Variants in ALK observed in about 807,000 individuals in gnomAD.
The protein encoded by ALK is ALK receptor tyrosine kinase.
In ALK, 74 loss-of-function variants were observed where a neutral mutation model predicts 163.1. The observed-to-expected ratio is 0.45, with a 90% CI of 0.38 to 0.55. The LOEUF (loss-of-function observed/expected upper bound fraction) is 0.55, where lower values mean the gene tolerates loss of function less well. Among genes scored for constraint, ALK ranks in the 20% least tolerant of loss-of-function variants. ALK has a pLI of 0.00. For synonymous variants in ALK, 960 were observed against 843.2 expected, an observed-to-expected ratio of 1.14 and a Z score of -2.40; for missense variants, 2,063 against 2,105.3, an observed-to-expected ratio of 0.98 and a Z score of 0.39.
chr2:29,326,896 A>T (rs1202644899), intron 6 of ALK, among the ~76,000 whole-genome samples: 1 of 152,122 alleles, frequency 6.6e-6, no homozygotes, highest in African/African-American at 2.4e-5. Context: ...CTGGGAGGTG[A>T]GGCATTTGCT....
rs78298099 is a variant in ALK at position 29,900,983 on chromosome 2, G to T, written c.667+19010C>A. 3.2e-3 allele frequency among the ~76,000 whole-genome samples: 447 copies of T among 141,314 alleles called. 1 individual carries two copies. Among genetic ancestry groups the T allele is most frequent in the African/African-American group, 0.011 (425 of 38,500 alleles). The allele number at this position is 141,314 out of a possible 152,430, so 92.7% of individuals were successfully genotyped here. On this transcript the variant is annotated intron_variant, in intron 1 of 28. Transcript: ENST00000389048. ...GAATGTCTTAAGAAAGAAAGAAAGA[G>T]AGAGAGAGAGAGAGCAAGCAAGCAA...
At chr2:29,647,695 CA>C (rs1434174896) in intron 3 of ALK, among the ~76,000 whole-genome samples, 2 of 151,588 alleles carry the variant, frequency 1.3e-5, no homozygotes, top group African/African-American at 4.8e-5. Flanking sequence ...CCTTTTCACA[CA>C]AACCGTCAAG....
At chr2:29,225,129 G>A (rs1434803461) in intron 19 of ALK, among the ~76,000 whole-genome samples, 1 of 152,180 alleles carries the variant, frequency 6.6e-6, no homozygotes, top group Non-Finnish European at 1.5e-5. Flanking sequence ...GTGGAAGCAT[G>A]TGGGAGCTAG....
intron 4 of ALK, among the ~76,000 whole-genome samples, chr2:29,509,021 T>C (rs560971868): frequency 1.3e-5 from 2 of 152,304 alleles, no homozygotes; most frequent in East Asian, 3.9e-4. Flanking sequence ...GTGAGTAGCG[T>C]GTGCAGGTAT....
chr2:29,504,395 C>A (rs1269292023), intron 4 of ALK, among the ~76,000 whole-genome samples: 3 of 152,140 alleles, frequency 2.0e-5, no homozygotes, highest in Non-Finnish European at 4.4e-5. Context: ...ACTTGATCTA[C>A]ATTTTTGATG....
chr2:29,457,650 G>T (rs1165372031), intron 4 of ALK, among the ~76,000 whole-genome samples: 1 of 152,042 alleles, frequency 6.6e-6, no homozygotes, highest in Non-Finnish European at 1.5e-5. Context: ...GGGAGCTTGG[G>T]TTCAGATCAC....
At chr2:29,391,384 G>A (rs1161665132) in intron 4 of ALK, among the ~76,000 whole-genome samples, 2 of 151,028 alleles carry the variant, frequency 1.3e-5, no homozygotes, top group Non-Finnish European at 2.9e-5. Flanking sequence ...TCACTGCAAC[G>A]TCCGCCTCCT....
intron 3 of ALK, among the ~76,000 whole-genome samples, chr2:29,672,806 G>C (rs1677747286): frequency 1.4e-5 from 2 of 146,864 alleles, no homozygotes; most frequent in Admixed American, 1.3e-4. Context: ...GTGTAAAAGT[G>C]TTCCTATTTC....
At chr2:29,693,722 T>C (rs531282337) in intron 3 of ALK, among the ~76,000 whole-genome samples, 1 of 152,146 alleles carries the variant, frequency 6.6e-6, no homozygotes, top group Admixed American at 6.5e-5. Flanking sequence ...GATGAGATTC[T>C]CTCGAGAATC....
At chr2:29,898,940 C>G (rs772535088) in intron 1 of ALK, among the ~76,000 whole-genome samples, 3 of 152,162 alleles carry the variant, frequency 2.0e-5, no homozygotes, top group Non-Finnish European at 4.4e-5. Context: ...ACCTGGCAGG[C>G]ACTTCCTCCT....
chr2:29,794,586 C>T (rs545131027), intron 1 of ALK, among the ~76,000 whole-genome samples: 33 of 152,238 alleles, frequency 2.2e-4, no homozygotes, highest in African/African-American at 6.0e-4. Flanking sequence ...CTTCCCTTCA[C>T]GTGAACACTT....
At chr2:29,785,315 T>A (rs544475762) in intron 1 of ALK, among the ~76,000 whole-genome samples, 1 of 152,058 alleles carries the variant, frequency 6.6e-6, no homozygotes, top group Non-Finnish European at 1.5e-5. Flanking sequence ...CATACCGATA[T>A]CCTGCAAACA....
chr2:29,611,531 A>AT (rs1309756537), intron 3 of ALK, among the ~76,000 whole-genome samples: 1 of 152,196 alleles, frequency 6.6e-6, no homozygotes, highest in Non-Finnish European at 1.5e-5. Flanking sequence ...TATGTCAACC[A>AT]TCTGAACTCT....
intron 3 of ALK, among the ~76,000 whole-genome samples, chr2:29,649,197 T>A (rs965218748): frequency 4.7e-5 from 7 of 148,972 alleles, no homozygotes; most frequent in African/African-American, 1.5e-4. Flanking sequence ...TGTGTGTGTG[T>A]GAGAGAGAGT....
chr2:29,244,326 A>G (rs896069547), intron 12 of ALK, among the ~76,000 whole-genome samples: 3 of 152,224 alleles, frequency 2.0e-5, no homozygotes, highest in Non-Finnish European at 4.4e-5. Context: ...CCCACCCTGC[A>G]GGGTTATTGT....
intron 3 of ALK, among the ~76,000 whole-genome samples, chr2:29,685,947 ATC>A (rs937306452): frequency 6.6e-6 from 1 of 151,702 alleles, no homozygotes; most frequent in Non-Finnish European, 1.5e-5. Context: ...TTAAATCTCC[ATC>A]TCTCTCTGAC....
intron 11 of ALK, among the ~76,000 whole-genome samples, chr2:29,264,786 T>C (rs1665174016): frequency 6.6e-6 from 1 of 152,120 alleles, no homozygotes; most frequent in Non-Finnish European, 1.5e-5. Context: ...CCTGTTTTAG[T>C]GTTAGAATGT....
intron 1 of ALK, among the ~76,000 whole-genome samples, chr2:29,853,913 C>CTT (rs67087505): frequency 4.4e-4 from 62 of 140,556 alleles, no homozygotes; most frequent in South Asian, 7.3e-4. Flanking sequence ...CTTTTCTTTT[C>CTT]TTTTTTTTTT....
intron 4 of ALK, among the ~76,000 whole-genome samples, chr2:29,499,462 T>C (rs1002194159): frequency 2.0e-5 from 3 of 152,134 alleles, no homozygotes; most frequent in Admixed American, 6.5e-5. Context: ...TCCCAAAGTG[T>C]TGGGATTACA....
Sources: allele counts gnomAD v4.1 joint callset (sites outside exome capture counted in the v4.1 genomes callset), GRCh38; gene constraint gnomAD v4.1.1; transcripts MANE v1.5; gene names NCBI Gene and HGNC (gene_info 2026-07-23, HGNC 2026-07-21).